The following EXOC6B variants were observed in gnomAD, a reference collection of about 807,000 sequenced individuals.
EXOC6B encodes the protein SEC15 homolog B.
A neutral mutation model predicts 113.5 loss-of-function variants in EXOC6B; 54 were observed. The ratio of observed to expected loss-of-function variants is 0.48; its 90% confidence interval spans 0.38 to 0.60. The LOEUF (loss-of-function observed/expected upper bound fraction) is 0.60. Among genes scored for constraint, EXOC6B ranks in the 20% least tolerant of loss-of-function variants. The pLI is 0.00. For missense variants in EXOC6B, 797 were observed against 977.5 expected (o/e 0.82, Z 2.46); for synonymous variants, 357 against 339.0 (o/e 1.05, Z -0.58).
chr2:72,464,172 G>A (rs1697888613), intron 18 of EXOC6B: 1 of 152,144 alleles, frequency 6.6e-6, no homozygotes, highest in African/African-American at 2.4e-5. Flanking sequence ...GGATGGTAAA[G>A]TAACACTGAC....
intron 20 of EXOC6B, among the ~76,000 whole-genome samples, chr2:72,318,691 T>G (rs1558552924): frequency 6.6e-6 from 1 of 152,170 alleles, no homozygotes; most frequent in African/African-American, 2.4e-5. Context: ...CTTATTTGAT[T>G]GTAATACAGT....
chr2:72,186,884 C>T (rs568050869), intron 20 of EXOC6B, among the ~76,000 whole-genome samples: 32 of 152,210 alleles, frequency 2.1e-4, no homozygotes, highest in Admixed American at 6.5e-4. Context: ...CTTTTCTGGC[C>T]GGAAACCTGT....
chr2:72,698,932 T>C (rs1375961011), intron 6 of EXOC6B, among the ~76,000 whole-genome samples: 3 of 152,230 alleles, frequency 2.0e-5, no homozygotes, highest in African/African-American at 4.8e-5. Context: ...CATCCCAGAA[T>C]ATACTACTGA....
At chr2:72,484,183 A>T (rs550983595) in intron 16 of EXOC6B, among the ~76,000 whole-genome samples, 1 of 150,484 alleles carries the variant, frequency 6.6e-6, no homozygotes, top group African/African-American at 2.4e-5. Flanking sequence ...TCCAGTATAC[A>T]TGTGCAGAAC....
At chr2:72,268,890 T>C (rs751482803) in intron 20 of EXOC6B, among the ~76,000 whole-genome samples, 5 of 152,200 alleles carry the variant, frequency 3.3e-5, no homozygotes, top group Non-Finnish European at 7.3e-5. Context: ...CTGTGCTTTG[T>C]GTACAGCCTA....
chr2:72,541,523 G>A (rs1702601579), intron 8 of EXOC6B, among the ~76,000 whole-genome samples: 1 of 151,888 alleles, frequency 6.6e-6, no homozygotes, highest in Non-Finnish European at 1.5e-5. Flanking sequence ...AACATTGCAT[G>A]GTTTTTTAAT....
chr2:72,352,790 A>C (rs899193685), intron 19 of EXOC6B, among the ~76,000 whole-genome samples: 36 of 152,050 alleles, frequency 2.4e-4, no homozygotes, highest in Admixed American at 1.8e-3. Flanking sequence ...GATGGATTAA[A>C]ATGTTATGGG....
chr2:72,226,755 G>C (rs183642344), intron 20 of EXOC6B, among the ~76,000 whole-genome samples: 1 of 152,278 alleles, frequency 6.6e-6, no homozygotes, highest in Admixed American at 6.5e-5. Context: ...CTTATGAAGG[G>C]ACTAACTTCG....
At chr2:72,364,196 A>G (rs1690477358) in intron 19 of EXOC6B, among the ~76,000 whole-genome samples, 1 of 151,996 alleles carries the variant, frequency 6.6e-6, no homozygotes, top group South Asian at 2.1e-4. Context: ...AGATTTTTTT[A>G]TAGACCACTG....
chr2:72,693,370 T>C (rs1214896405), intron 6 of EXOC6B, among the ~76,000 whole-genome samples: 1 of 152,082 alleles, frequency 6.6e-6, no homozygotes, highest in Non-Finnish European at 1.5e-5. Flanking sequence ...ACTGCAAGGC[T>C]TGCAATTTTT....
At chr2:72,391,676 T>C (rs1344638081) in intron 18 of EXOC6B, among the ~76,000 whole-genome samples, 2 of 152,278 alleles carry the variant, frequency 1.3e-5, no homozygotes, top group African/African-American at 2.4e-5. Context: ...GGACTCCAAA[T>C]ATATCCATTT....
intron 5 of EXOC6B, among the ~76,000 whole-genome samples, chr2:72,730,164 G>C (rs768171465): frequency 6.6e-6 from 1 of 152,150 alleles, no homozygotes; most frequent in Non-Finnish European, 1.5e-5. Flanking sequence ...GAAATCCTCT[G>C]AATTTAACCT....
At chr2:72,575,257 C>G (rs776670950) in intron 7 of EXOC6B, among the ~76,000 whole-genome samples, 1 of 152,080 alleles carries the variant, frequency 6.6e-6, no homozygotes, top group Admixed American at 6.6e-5. Context: ...AACCCTGAAA[C>G]TTTTCAAAAT....
intron 15 of EXOC6B, among the ~76,000 whole-genome samples, chr2:72,495,073 G>T (rs984481498): frequency 1.3e-5 from 2 of 151,862 alleles, no homozygotes; most frequent in Admixed American, 1.3e-4. Context: ...GCCCAGGCTG[G>T]TCTTGAACTC....
intron 6 of EXOC6B, among the ~76,000 whole-genome samples, chr2:72,631,424 GTGTATATA>G (rs1485300728): frequency 0.019 from 415 of 22,324 alleles, 45 homozygotes; most frequent in East Asian, 0.03. Context: ...GTGTGTGTGT[GTGTATATA>G]TATATATATA....
intron 6 of EXOC6B, among the ~76,000 whole-genome samples, chr2:72,699,042 T>C (rs1678101787): frequency 6.6e-6 from 1 of 152,168 alleles, no homozygotes; most frequent in African/African-American, 2.4e-5. Flanking sequence ...TATGTGCACA[T>C]GGTAATTTTT....
chr2:72,458,667 T>C (rs982046839), intron 18 of EXOC6B, among the ~76,000 whole-genome samples: 1 of 151,996 alleles, frequency 6.6e-6, no homozygotes, highest in African/African-American at 2.4e-5. Flanking sequence ...CAGTTTAGAA[T>C]AAACAAAAGA....
At chr2:72,233,989 C>T (rs1573051865) in intron 20 of EXOC6B, among the ~76,000 whole-genome samples, 1 of 152,180 alleles carries the variant, frequency 6.6e-6, no homozygotes, top group African/African-American at 2.4e-5. Flanking sequence ...GCCCCATCCA[C>T]CGGACACTGG....
At chr2:72,729,640 G>T (rs928506400) in intron 5 of EXOC6B, among the ~76,000 whole-genome samples, 1 of 151,854 alleles carries the variant, frequency 6.6e-6, no homozygotes, top group Non-Finnish European at 1.5e-5. Flanking sequence ...GGCCAGGCAG[G>T]TCTTGAACTT....
Sources: allele counts gnomAD v4.1 joint callset (sites outside exome capture counted in the v4.1 genomes callset), GRCh38; gene constraint gnomAD v4.1.1; transcripts MANE v1.5; gene names NCBI Gene and HGNC (gene_info 2026-07-23, HGNC 2026-07-21).